The following MAGI1 variants were observed in gnomAD, a reference collection of about 807,000 sequenced individuals.
MAGI1 encodes membrane-associated guanylate kinase, WW and PDZ domain-containing protein 1.
MAGI1 carries 58 observed loss-of-function variants against 139.9 expected under a neutral mutation model. The ratio of observed to expected loss-of-function variants is 0.41; its 90% confidence interval spans 0.34 to 0.52. MAGI1 has a LOEUF of 0.52. Among genes scored for constraint, MAGI1 ranks in the 20% least tolerant of loss-of-function variants. The pLI, the probability that MAGI1 is intolerant of heterozygous loss-of-function variation, is 0.12. For synonymous variants in MAGI1, 812 were observed against 737.9 expected (o/e 1.10, Z -1.63); for missense variants, 1,874 against 1,901.6 (o/e 0.99, Z 0.27).
intron 1 of MAGI1, among the ~76,000 whole-genome samples, chr3:65,846,976 C>CAAAAAAAAAAAAAAAAAAAAAAAA (rs58391331): frequency 3.7e-5 from 3 of 80,984 alleles, no homozygotes; most frequent in African/African-American, 4.9e-5. Flanking sequence ...CAATGTCTTA[C>CAAAAAAAAAAAAAAAAAAAAAAAA]AAAAAAAAAA....
chr3:65,481,204 G>A (rs1014087159), intron 3 of MAGI1, among the ~76,000 whole-genome samples: 5 of 152,216 alleles, frequency 3.3e-5, no homozygotes, highest in African/African-American at 7.2e-5. Context: ...ACTTACAGGC[G>A]CTAGAATTGA....
chr3:66,015,701 G>C (rs1410236999), intron 1 of MAGI1, among the ~76,000 whole-genome samples: 8 of 151,744 alleles, frequency 5.3e-5, no homozygotes. Context: ...TAAATGTCTA[G>C]TAGCTTAATT....
chr3:65,360,313 T>C, intron 22 of MAGI1: 1 of 984,248 alleles, frequency 1.0e-6, no homozygotes, highest in African/African-American at 1.8e-5. Context: ...AGACCTTTGG[T>C]TGGGAAAAAA....
At chr3:65,509,912 GC>G (rs1319830348) in intron 2 of MAGI1, among the ~76,000 whole-genome samples, 7 of 152,204 alleles carry the variant, frequency 4.6e-5, no homozygotes, top group Non-Finnish European at 1.0e-4. Context: ...CTGTCTGACA[GC>G]TTTGAAGAGA....
At chr3:65,597,636 C>G (rs752744054) in intron 2 of MAGI1, 8 of 455,358 alleles carry the variant, frequency 1.8e-5, no homozygotes, top group Non-Finnish European at 3.1e-5. Context: ...ACACCACACA[C>G]GGCATCTTCA....
At chr3:65,439,799 T>C in intron 9 of MAGI1, 80 bp downstream of exon 9, 1 of 1,596,744 alleles carries the variant, frequency 6.3e-7, no homozygotes, top group Non-Finnish European at 8.5e-7. Context: ...AGGCCAGTTC[T>C]GACCACACGA....
intron 2 of MAGI1, among the ~76,000 whole-genome samples, chr3:65,553,272 T>C (rs141947009): frequency 1.2e-4 from 18 of 152,186 alleles, no homozygotes; most frequent in African/African-American, 4.1e-4. Context: ...AGTTTCTACA[T>C]CAAACTCACT....
intron 1 of MAGI1, among the ~76,000 whole-genome samples, chr3:65,972,798 A>C (rs2065071166): frequency 6.6e-6 from 1 of 152,162 alleles, no homozygotes; most frequent in Non-Finnish European, 1.5e-5. Flanking sequence ...ACACAAAAAC[A>C]TGTTTGTTTT....
chr3:65,939,937 A>C (rs555199035), intron 1 of MAGI1, among the ~76,000 whole-genome samples: 1 of 152,352 alleles, frequency 6.6e-6, no homozygotes, highest in Admixed American at 6.5e-5. Context: ...TAAAACAAGA[A>C]GGAAGAATCA....
intron 1 of MAGI1, chr3:65,688,218 C>T (rs1412276219): frequency 1.2e-6 from 1 of 800,338 alleles, no homozygotes; most frequent in Admixed American, 1.8e-5. Context: ...CCTAGAACAG[C>T]AGGACATAGT....
At chr3:65,890,224 G>A (rs1035788863) in intron 1 of MAGI1, among the ~76,000 whole-genome samples, 1 of 152,108 alleles carries the variant, frequency 6.6e-6, no homozygotes, top group Non-Finnish European at 1.5e-5. Context: ...AATTAGCCGG[G>A]CGTGGTGGCG....
intron 2 of MAGI1, among the ~76,000 whole-genome samples, chr3:65,553,535 A>C (rs1041057950): frequency 5.9e-5 from 9 of 152,234 alleles, no homozygotes; most frequent in African/African-American, 2.2e-4. Flanking sequence ...AGACACGGTG[A>C]TGAGATACCT....
chr3:65,786,234 C>T lies in MAGI1; in HGVS notation c.314-164146G>A, dbSNP rs552587402. Among the ~76,000 whole-genome samples, 246 of 149,486 alleles carry T rather than the reference C, an allele frequency of 1.6e-3. 2 individuals carry two copies. Among genetic ancestry groups the T allele is most frequent in the Middle Eastern group, 0.01 (3 of 290 alleles). ...TCCTCCCAAAGTGCTGGGATTACCACGCCCAGCCAATCATAACTTTTTTTT... is the reference window on the plus strand; with the variant it reads ...TCCTCCCAAAGTGCTGGGATTACCATGCCCAGCCAATCATAACTTTTTTTT... On this transcript the variant is annotated intron_variant, in intron 1 of 22. Coordinates refer to ENST00000402939, the MANE Select transcript of MAGI1 (RefSeq NM_001033057.2).
chr3:65,401,633 C>A, intron 12 of MAGI1, 163 bp from the exon 13 acceptor site: 3 of 1,549,384 alleles, frequency 1.9e-6, no homozygotes, highest in Non-Finnish European at 1.7e-6. Flanking sequence ...CTGTTCATAT[C>A]GAATCAAAGC....
At chr3:66,027,038 G>A (rs1466555313) in intron 1 of MAGI1, among the ~76,000 whole-genome samples, 3 of 151,800 alleles carry the variant, frequency 2.0e-5, no homozygotes, top group Non-Finnish European at 4.4e-5. Flanking sequence ...GGGAGGCCGA[G>A]GCGGGCGGAT....
At chr3:65,585,959 G>A (rs1317175055) in intron 2 of MAGI1, among the ~76,000 whole-genome samples, 2 of 152,124 alleles carry the variant, frequency 1.3e-5, no homozygotes, top group Non-Finnish European at 2.9e-5. Flanking sequence ...TGTAATCCCA[G>A]TACTTTGGGA....
intron 1 of MAGI1, among the ~76,000 whole-genome samples, chr3:65,916,802 TAC>T (rs919515937): frequency 6.7e-6 from 1 of 150,148 alleles, no homozygotes; most frequent in Non-Finnish European, 1.5e-5. Flanking sequence ...CACACACACA[TAC>T]ACACACACAC....
At chr3:65,551,217 C>T (rs751920918) in intron 2 of MAGI1, among the ~76,000 whole-genome samples, 1 of 152,194 alleles carries the variant, frequency 6.6e-6, no homozygotes, top group Non-Finnish European at 1.5e-5. Context: ...TGTTAAGGTG[C>T]CTGCTTCCCC....
At chr3:65,554,581 A>C (rs1344463905) in intron 2 of MAGI1, among the ~76,000 whole-genome samples, 1 of 152,146 alleles carries the variant, frequency 6.6e-6, no homozygotes, top group Non-Finnish European at 1.5e-5. Context: ...AAGCAACACA[A>C]CACCAAAGTG....
Sources: gnomAD v4.1 joint callset for allele counts (sites outside exome capture counted in the v4.1 genomes callset) on GRCh38, gnomAD v4.1.1 for gene constraint, MANE v1.5 for transcripts, NCBI Gene and HGNC (gene_info 2026-07-23, HGNC 2026-07-21) for gene names.